KCNH5: variants seen among roughly 807,000 people sequenced by gnomAD.
The protein encoded by KCNH5 is potassium voltage-gated channel subfamily H member 5, also known as voltage-gated delayed rectifier potassium channel KCNH5.
A neutral mutation model predicts 96.1 loss-of-function variants in KCNH5; 46 were observed. The ratio of observed to expected loss-of-function variants is 0.48; its 90% CI spans 0.38 to 0.61. The LOEUF (loss-of-function observed/expected upper bound fraction) is 0.61, where lower values mean the gene tolerates loss of function less well. Among genes scored for constraint, KCNH5 ranks in the 20% least tolerant of loss-of-function variants. KCNH5 has a pLI of 0.00. For synonymous variants in KCNH5, 439 were observed against 449.8 expected (o/e 0.98, Z 0.30); for missense variants, 907 against 1,225.8 (o/e 0.74, Z 3.88).
chr14:62,868,096 T>A (rs956159294), intron 7 of KCNH5, among the ~76,000 whole-genome samples: 1 of 152,254 alleles, frequency 6.6e-6, no homozygotes, highest in Non-Finnish European at 1.5e-5. Flanking sequence ...CAATGCAGAA[T>A]GAACAAATCA....
intron 7 of KCNH5, among the ~76,000 whole-genome samples, chr14:62,886,094 C>T (rs1888589930): frequency 6.6e-6 from 1 of 150,750 alleles, no homozygotes; most frequent in East Asian, 2.0e-4. Flanking sequence ...GAACACTTCT[C>T]TCCTTGAAAA....
At chr14:62,716,552 C>G (rs762615737) in intron 10 of KCNH5, among the ~76,000 whole-genome samples, 26 of 152,112 alleles carry the variant, frequency 1.7e-4, no homozygotes, top group African/African-American at 6.3e-4. Context: ...TACTGTTCCC[C>G]TTCTTCCTCC....
chr14:62,918,876 T>C (rs541282995), intron 7 of KCNH5, among the ~76,000 whole-genome samples: 64 of 152,224 alleles, frequency 4.2e-4, no homozygotes, highest in African/African-American at 1.5e-3. Context: ...AAATAGGTAA[T>C]TGTCCATGTA....
chr14:62,969,584 T>C (rs767673129), intron 6 of KCNH5, among the ~76,000 whole-genome samples: 42 of 151,470 alleles, frequency 2.8e-4, no homozygotes, highest in Non-Finnish European at 5.7e-4. Flanking sequence ...TGGGGCCTGA[T>C]GGGGGGCTGC....
At chr14:62,749,569 A>G (rs1885451953) in intron 10 of KCNH5, among the ~76,000 whole-genome samples, 1 of 152,198 alleles carries the variant, frequency 6.6e-6, no homozygotes, top group South Asian at 2.1e-4. Flanking sequence ...ATATTCAAGA[A>G]GTGTGTTTTG....
intron 10 of KCNH5, among the ~76,000 whole-genome samples, chr14:62,758,349 C>A (rs868434273): frequency 6.6e-6 from 1 of 151,740 alleles, no homozygotes; most frequent in Non-Finnish European, 1.5e-5. Flanking sequence ...TATGCCTGTA[C>A]CAAAATATCC....
At chr14:62,929,175 T>A (rs1185275094) in intron 7 of KCNH5, among the ~76,000 whole-genome samples, 1 of 149,930 alleles carries the variant, frequency 6.7e-6, no homozygotes, top group Non-Finnish European at 1.5e-5. Context: ...CTTGGAGTCA[T>A]CTCTGATTTC....
At chr14:62,849,896 G>T (rs1887770886) in intron 7 of KCNH5, 44 bp from the exon 8 acceptor site, 4 of 1,431,972 alleles carry the variant, frequency 2.8e-6, no homozygotes, top group Non-Finnish European at 3.9e-6. Context: ...TATCTCATGT[G>T]AAAAAAATAC....
At chr14:62,846,775 TTATTG>T (rs1373484343) in intron 8 of KCNH5, among the ~76,000 whole-genome samples, 1 of 130,200 alleles carries the variant, frequency 7.7e-6, no homozygotes, top group Non-Finnish European at 1.7e-5. Context: ...TTGTATTGTA[TTATTG>T]TATTGTATCT....
intron 8 of KCNH5, among the ~76,000 whole-genome samples, chr14:62,817,762 T>G (rs1450393643): frequency 6.9e-6 from 1 of 144,258 alleles, no homozygotes; most frequent in African/African-American, 2.5e-5. Flanking sequence ...ATATATTATA[T>G]TCCTATATAT....
intron 4 of KCNH5, among the ~76,000 whole-genome samples, chr14:62,998,137 T>C (rs12101048): frequency 0.067 from 10,136 of 152,150 alleles, 452 homozygotes; most frequent in East Asian, 0.21. Flanking sequence ...TGGAAGATTA[T>C]TAATTATTGT....
At position 62,701,073 on chromosome 14, in the gene KCNH5, G is replaced by C. The variant is rs1884340988; in HGVS notation, c.*6435C>G. 1 of 152,186 alleles carries C rather than the reference G, an allele frequency of 6.6e-6. No homozygotes were observed. The highest frequency in any genetic ancestry group is 1.5e-5 in the Non-Finnish European group (1 of 68,008). The allele number at this position is 152,186 out of a possible 1,614,324, so 9.4% of individuals were successfully genotyped here. A position where few individuals can be genotyped will look rare whatever the true frequency, so the allele number is the denominator to read the frequency against. On this transcript the variant is annotated 3_prime_UTR_variant, in exon 11 of 11. Transcript: ENST00000322893. ...GACTGCTTTGGTCATTCAACAGTCA[G>C]TGATTCCGCATGAATGAGAGAGAGT...
In KCNH5 at chr14:62,708,249, C is replaced by A. The variant is rs373525887; in HGVS notation, c.2226G>T (p.Gln742His). The A allele has an allele frequency of 6.8e-6, 11 of 1,614,200 alleles. No individual in the cohort carries two copies. The highest frequency in any genetic ancestry group is 8.5e-6 in the Non-Finnish European group (10 of 1,180,038). ...TGGTTCCGGTGATGGAGGCTCCATT[C>A]TGTAAGGAGCGGCTCTCTACCTGGA... ...NQLQVESRSL[Q>H]NGASITGTSV... is the part of the protein sequence containing the mutation. The change falls in exon 11 of 11, where the codon CAG (glutamine) becomes CAT (histidine). Residue 742 changes from glutamine (Q) to histidine (H), a missense_variant. Gln to His is a conservative substitution (Grantham distance 24). Coordinates refer to ENST00000322893, the MANE Select transcript of KCNH5 (RefSeq NM_139318.5).
At chr14:62,948,994 T>C (rs1381225441) in intron 7 of KCNH5, among the ~76,000 whole-genome samples, 25 of 151,088 alleles carry the variant, frequency 1.7e-4, no homozygotes, top group Non-Finnish European at 3.5e-4. Context: ...AAATTAGGTA[T>C]TGATGGGACA....
At chr14:62,911,293 T>C (rs1224890057) in intron 7 of KCNH5, among the ~76,000 whole-genome samples, 2 of 151,328 alleles carry the variant, frequency 1.3e-5, no homozygotes, top group Non-Finnish European at 2.9e-5. Context: ...TTTTTTTTTT[T>C]TTTGAGACGG....
chr14:62,992,286 A>G (rs1301868614), intron 4 of KCNH5, among the ~76,000 whole-genome samples: 1 of 152,118 alleles, frequency 6.6e-6, no homozygotes, highest in Non-Finnish European at 1.5e-5. Flanking sequence ...TGCAATAAAC[A>G]TATGAGTGCA....
chr14:62,978,793 A>T (rs994387936), intron 6 of KCNH5, among the ~76,000 whole-genome samples: 3 of 152,134 alleles, frequency 2.0e-5, no homozygotes, highest in Non-Finnish European at 4.4e-5. Context: ...TTTTTAATTG[A>T]CAGAAATAAT....
chr14:62,890,275 A>G (rs1048630214), intron 7 of KCNH5, among the ~76,000 whole-genome samples: 42 of 152,350 alleles, frequency 2.8e-4, no homozygotes, highest in Admixed American at 1.3e-3. Flanking sequence ...AAAAGAAACC[A>G]TCAATAGAGT....
At chr14:63,023,010 C>A (rs1293718040) in intron 1 of KCNH5, among the ~76,000 whole-genome samples, 1 of 151,914 alleles carries the variant, frequency 6.6e-6, no homozygotes, top group African/African-American at 2.4e-5. Flanking sequence ...TCGAGGCCAG[C>A]CTAGCCAACA....
Sources: gnomAD v4.1 joint callset for allele counts (sites outside exome capture counted in the v4.1 genomes callset) on GRCh38, gnomAD v4.1.1 for gene constraint, MANE v1.5 for transcripts, NCBI Gene and HGNC (gene_info 2026-07-23, HGNC 2026-07-21) for gene names.